Variants in DAB1 observed in about 807,000 individuals in gnomAD.
DAB1 encodes the protein DAB adaptor protein 1.
A neutral mutation model predicts 64.6 loss-of-function variants in DAB1; 15 were observed. The observed-to-expected ratio is 0.23, with a 90% CI of 0.16 to 0.36. The LOEUF is 0.36. Among genes scored for constraint, DAB1 ranks in the 10% least tolerant of loss-of-function variants. The pLI, the probability that DAB1 is intolerant of heterozygous loss-of-function variation, is 1.00. For missense variants in DAB1, 596 were observed against 706.7 expected (o/e 0.84, Z 1.78); for synonymous variants, 235 against 251.9 (o/e 0.93, Z 0.64).
At chr1:57,082,365 C>T (rs765940963) in intron 4 of DAB1, among the ~76,000 whole-genome samples, 8 of 152,132 alleles carry the variant, frequency 5.3e-5, no homozygotes, top group Non-Finnish European at 7.3e-5. Context: ...TTCAGTCAAC[C>T]GTTGGTCCAA....
intron 4 of DAB1, among the ~76,000 whole-genome samples, chr1:58,155,433 G>A (rs932988539): frequency 2.6e-5 from 4 of 152,164 alleles, no homozygotes; most frequent in African/African-American, 9.7e-5. Flanking sequence ...TCAGTCCAAA[G>A]TGCCAAAGTG....
At chr1:57,153,833 G>A (rs1485395297) in intron 2 of DAB1, among the ~76,000 whole-genome samples, 1 of 151,920 alleles carries the variant, frequency 6.6e-6, no homozygotes, top group Non-Finnish European at 1.5e-5. Flanking sequence ...TAGAGATGGG[G>A]TTTCACCGTG....
chr1:57,758,782 C>T (rs921123563), intron 6 of DAB1, among the ~76,000 whole-genome samples: 1 of 151,832 alleles, frequency 6.6e-6, no homozygotes, highest in Non-Finnish European at 1.5e-5. Flanking sequence ...AAACAAAACA[C>T]CTGACTGTCT....
At chr1:58,433,189 G>T (rs1644898617) in intron 3 of DAB1, among the ~76,000 whole-genome samples, 1 of 152,202 alleles carries the variant, frequency 6.6e-6, no homozygotes, top group South Asian at 2.1e-4. Context: ...TGCACATTTG[G>T]TGGGTACTTT....
intron 4 of DAB1, among the ~76,000 whole-genome samples, chr1:58,299,470 G>A (rs527608581): frequency 6.6e-6 from 1 of 152,220 alleles, no homozygotes; most frequent in African/African-American, 2.4e-5. Flanking sequence ...TTTTATTTTT[G>A]TATGTTTATG....
chr1:57,364,516 C>T (rs1306960324), intron 1 of DAB1, among the ~76,000 whole-genome samples: 1 of 151,970 alleles, frequency 6.6e-6, no homozygotes, highest in Non-Finnish European at 1.5e-5. Context: ...CTATAAAGAC[C>T]TTTTCACTTG....
intron 5 of DAB1, among the ~76,000 whole-genome samples, chr1:57,899,696 G>GA (rs531339452): frequency 0.011 from 1,643 of 145,636 alleles, 20 homozygotes; most frequent in African/African-American, 0.036. Context: ...GTGAATGGTA[G>GA]AAAAAAAAAA....
At chr1:57,888,302 A>T (rs1327577802), upstream of DAB1, among the ~76,000 whole-genome samples, 1 of 152,114 alleles carries the variant, frequency 6.6e-6, no homozygotes, top group Non-Finnish European at 1.5e-5. Flanking sequence ...TCCCCGATCC[A>T]CCATTCCCTA....
intron 6 of DAB1, among the ~76,000 whole-genome samples, chr1:57,756,858 T>A (rs1170288637): frequency 1.3e-5 from 2 of 152,096 alleles, no homozygotes; most frequent in African/African-American, 4.8e-5. Flanking sequence ...CCACTTTCCC[T>A]ACCATATGTA....
chr1:57,334,959 A>G (rs1176971660), intron 1 of DAB1, among the ~76,000 whole-genome samples: 2 of 152,204 alleles, frequency 1.3e-5, no homozygotes, highest in South Asian at 2.1e-4. Flanking sequence ...GCTAGAAACC[A>G]GAGAACTAAC....
intron 7 of DAB1, among the ~76,000 whole-genome samples, chr1:57,455,335 T>C (rs967100760): frequency 2.0e-5 from 3 of 152,142 alleles, no homozygotes; most frequent in African/African-American, 7.2e-5. Context: ...GCAATATTTA[T>C]TATCCCAAAT....
At chr1:57,307,597 C>T (rs1446796676) in intron 1 of DAB1, among the ~76,000 whole-genome samples, 1 of 151,950 alleles carries the variant, frequency 6.6e-6, no homozygotes, top group Non-Finnish European at 1.5e-5. Context: ...ACTCCCTTTC[C>T]TGTCTGTTGA....
intron 5 of DAB1, among the ~76,000 whole-genome samples, chr1:58,057,668 C>T (rs543716010): frequency 6.6e-6 from 1 of 152,158 alleles, no homozygotes; most frequent in Non-Finnish European, 1.5e-5. Context: ...CAGAGCATAG[C>T]TTTGCCGACA....
At chr1:57,971,263 C>T (rs1645790082) in intron 5 of DAB1, among the ~76,000 whole-genome samples, 1 of 152,144 alleles carries the variant, frequency 6.6e-6, no homozygotes, top group South Asian at 2.1e-4. Context: ...CACAAACTCC[C>T]TTATTTGCTT....
At chr1:57,959,816 C>T (rs375707945) in intron 5 of DAB1, among the ~76,000 whole-genome samples, 4 of 152,274 alleles carry the variant, frequency 2.6e-5, no homozygotes, top group African/African-American at 9.6e-5. Context: ...GAGTTTGGCT[C>T]CTTGGGGACC....
At chr1:57,942,326 A>G (rs1645118029) in intron 5 of DAB1, among the ~76,000 whole-genome samples, 1 of 152,244 alleles carries the variant, frequency 6.6e-6, no homozygotes, top group South Asian at 2.1e-4. Context: ...GAAATAAGTA[A>G]GATCCAAACC....
intron 3 of DAB1, among the ~76,000 whole-genome samples, chr1:58,505,147 T>TGA (rs1645967652): frequency 1.3e-5 from 2 of 152,172 alleles, no homozygotes; most frequent in Non-Finnish European, 2.9e-5. Context: ...AGACAGGGTT[T>TGA]CACCCCGTTG....
intron 7 of DAB1, among the ~76,000 whole-genome samples, chr1:57,478,902 G>T (rs961274468): frequency 1.3e-5 from 2 of 151,828 alleles, no homozygotes; most frequent in Non-Finnish European, 2.9e-5. Context: ...GCCCGGCCCG[G>T]TTCCCATTCT....
intron 7 of DAB1, among the ~76,000 whole-genome samples, chr1:57,564,593 C>G (rs1330475072): frequency 6.6e-6 from 1 of 152,116 alleles, no homozygotes; most frequent in Non-Finnish European, 1.5e-5. Flanking sequence ...CTTAAATGAC[C>G]TGACGGAGCT....
Sources: allele counts gnomAD v4.1 joint callset (sites outside exome capture counted in the v4.1 genomes callset), GRCh38; gene constraint gnomAD v4.1.1; transcripts MANE v1.5; gene names NCBI Gene and HGNC (gene_info 2026-07-23, HGNC 2026-07-21).